EPHA8: variants seen among roughly 807,000 people sequenced by gnomAD.
EPHA8 encodes ephrin type-A receptor 8.
EPHA8 carries 58 observed loss-of-function variants against 103.6 expected under a neutral mutation model. That is an observed-to-expected ratio of 0.56 (90% CI 0.45 to 0.70). The LOEUF is 0.70. Ranked by LOEUF, EPHA8 falls within the 30% of genes least tolerant of loss-of-function variation. The probability of loss-of-function intolerance (pLI) is 0.00; values close to 1 mark genes in which losing one functional copy is unlikely to be tolerated. For missense variants in EPHA8, 1,304 were observed against 1,395.2 expected (o/e 0.93, Z 1.04); for synonymous variants, 559 against 572.5 (o/e 0.98, Z 0.34).
In EPHA8 at chr1:22,595,592, G is replaced by A. The variant is rs144318466; in HGVS notation, c.1697+269G>A. Among the ~76,000 whole-genome samples, 1,219 of 152,340 alleles carry A rather than the reference G, an allele frequency of 8.0e-3. 10 individuals carry two copies. The highest frequency in any genetic ancestry group is 0.031 in the Middle Eastern group (9 of 292). ...AGAGCTAGGACATGAGCCTAGGTCTGTCAAACTCAAGCCCATACTCTCAGT... is the reference window on the plus strand; with the variant it reads ...AGAGCTAGGACATGAGCCTAGGTCTATCAAACTCAAGCCCATACTCTCAGT... On this transcript the variant is annotated intron_variant, in intron 8 of 16. Transcript: ENST00000166244.
Position 22,597,953 on chromosome 1 carries a change from C to T in EPHA8, c.2116+92C>T, listed in dbSNP as rs548801294. 1,015 of 1,505,598 alleles carry T rather than the reference C, an allele frequency of 6.7e-4. 20 individuals carry two copies. The South Asian group carries it at 0.011, about 17-fold the overall frequency. 93.3% of individuals were successfully genotyped at this position (1,505,598 alleles called of 1,614,324 possible). On this transcript the variant is annotated intron_variant, in intron 11 of 16. Transcript: ENST00000166244. The surrounding 1 kb of genome is among the most constrained non-coding windows in gnomAD (Gnocchi z 4.6). Reference sequence around the variant, plus strand: ...ATCCCCTCATCCATCCTGCTCTGCCCCACCTGACCCTGTCCTCTTGGTTCA... The same window carrying T: ...ATCCCCTCATCCATCCTGCTCTGCCTCACCTGACCCTGTCCTCTTGGTTCA...
rs1398795434 is a variant in EPHA8 at position 22,567,447 on chromosome 1, T to C, written c.95-1842T>C. On this transcript the variant is annotated intron_variant, in intron 1 of 16. Coordinates refer to ENST00000166244, the MANE Select transcript of EPHA8 (RefSeq NM_020526.5). The surrounding 1 kb of genome is among the most constrained non-coding windows in gnomAD (Gnocchi z 4.2). ...GAAGCCTTCTCTCTGCCTCTGCCCC[T>C]GGCGTGGGGCCGGCTTGGGGAGGGG... Among the ~76,000 whole-genome samples, 1 of 152,124 alleles carries C rather than the reference T, an allele frequency of 6.6e-6. No individual in the cohort carries two copies. The highest frequency in any genetic ancestry group is 1.9e-4 in the East Asian group (1 of 5,170).
intron 2 of EPHA8, among the ~76,000 whole-genome samples, chr1:22,570,265 T>C (rs1640489509): frequency 6.6e-6 from 1 of 151,844 alleles, no homozygotes; most frequent in South Asian, 2.1e-4. Flanking sequence ...CACGCACGCA[T>C]GTACACACAC....
chr1:22,578,769 A>G (rs1640909864), intron 3 of EPHA8, among the ~76,000 whole-genome samples: 1 of 144,240 alleles, frequency 6.9e-6, no homozygotes, highest in African/African-American at 2.6e-5. Context: ...GTGTGAATGT[A>G]TGTGTACGTG....
Position 22,569,759 on chromosome 1 carries a change from A to G in EPHA8, c.159+406A>G, listed in dbSNP as rs549783586. On this transcript the variant is annotated intron_variant, in intron 2 of 16. Transcript: ENST00000166244. This position sits in a 1 kb window ranked among gnomAD's most constrained non-coding sequence, Gnocchi z 4.5. ...GAGTCTCTGCTTGTCTGTCTCCCCA[A>G]TGTGGCCAAGCTCCCGGTCCTGGCC... 1.3e-4 allele frequency among the ~76,000 whole-genome samples: 19 copies of G among 151,810 alleles called. No homozygotes were observed. Among genetic ancestry groups the G allele is most frequent in the Admixed American group, 5.2e-4 (8 of 15,248 alleles).
At chr1:22,601,585 G>T in intron 16 of EPHA8, 42 bp from the exon 17 acceptor site, 1 of 1,582,274 alleles carries the variant, frequency 6.3e-7, no homozygotes, top group African/African-American at 1.4e-5. Context: ...GCGGCTCCCA[G>T]CCTCCCAGGC....
At position 22,576,450 on chromosome 1, in the gene EPHA8, C is replaced by A; in HGVS notation, c.393C>A (p.Arg131=). Reference sequence around the variant, plus strand: ...ACCTCTACTACCTGGAGTCGGACCGCGACCTGGGGGCCAGCACACAAGAAA... The same window carrying A: ...ACCTCTACTACCTGGAGTCGGACCGAGACCTGGGGGCCAGCACACAAGAAA... ...TFNLYYLESD[R]DLGASTQESQ... Residue 131 remains arginine (R), a synonymous_variant, in exon 3 of 17, where the codon CGC becomes CGA. Coordinates refer to ENST00000166244, the MANE Select transcript of EPHA8 (RefSeq NM_020526.5). The surrounding 1 kb of genome is among the most constrained non-coding windows in gnomAD (Gnocchi z 4.8). The A allele has an allele frequency of 1.2e-6, 2 of 1,614,018 alleles. No homozygotes were observed. Among genetic ancestry groups the A allele is most frequent in the Non-Finnish European group, 1.7e-6 (2 of 1,180,040 alleles).
chr1:22,600,072 G>A (rs1368741532), intron 13 of EPHA8, among the ~76,000 whole-genome samples: 2 of 111,512 alleles, frequency 1.8e-5, no homozygotes, highest in African/African-American at 9.2e-5. Context: ...GGGGATGGAG[G>A]GAGGAAGGAA....
intron 3 of EPHA8, among the ~76,000 whole-genome samples, chr1:22,580,127 CTTTTTTTTTT>C (rs764600240): frequency 1.4e-3 from 134 of 97,422 alleles, no homozygotes; most frequent in Middle Eastern, 5.3e-3. Flanking sequence ...CTTTCTTTCT[CTTTTTTTTTT>C]TTTTTTTTTT....
chr1:22,601,525 AC>A (rs1641734308), intron 16 of EPHA8, 52 bp downstream of exon 16: 2 of 1,582,198 alleles, frequency 1.3e-6, no homozygotes, highest in Non-Finnish European at 1.7e-6. Flanking sequence ...AGGGGGGGGG[AC>A]CCCTGCCGGG....
intron 3 of EPHA8, among the ~76,000 whole-genome samples, chr1:22,580,370 C>T (rs1349953624): frequency 6.6e-6 from 1 of 151,992 alleles, no homozygotes; most frequent in Non-Finnish European, 1.5e-5. Flanking sequence ...AACTCCTGAC[C>T]TCAAGTGATC....
rs925019483 is a variant in EPHA8, at chr1:22,576,233, A to C, written c.176A>C (p.Glu59Ala). The C allele has an allele frequency of 3.1e-6, 5 of 1,610,054 alleles. No individual in the cohort carries two copies. The highest frequency in any genetic ancestry group is 4.2e-6 in the Non-Finnish European group (5 of 1,177,524). ...TGCCCACAGTGGGACTCCATCAACG[A>C]GGTGGACGAGTCCTTCCAGCCCATC... ...YPAHGWDSIN[E>A]VDESFQPIHT... is the part of the protein sequence containing the mutation. The change falls in exon 3 of 17, where the codon GAG (glutamate) becomes GCG (alanine). Residue 59 changes from glutamate to alanine, a missense_variant. Coordinates refer to ENST00000166244, the MANE Select transcript of EPHA8 (RefSeq NM_020526.5). The surrounding 1 kb of genome is among the most constrained non-coding windows in gnomAD (Gnocchi z 4.8).
Position 22,601,677 on chromosome 1 carries a change from T to G in EPHA8, c.2954T>G (p.Leu985Arg). The G allele has an allele frequency of 6.3e-7, 1 of 1,593,190 alleles. No homozygotes were observed. Residue 985 changes from leucine to arginine, a missense_variant, in exon 17 of 17, where the codon CTG becomes CGG. Leu to Arg is a moderately radical substitution (Grantham distance 102). Transcript: ENST00000166244. ...CTCATGGGCCACCAGAAGAAGATCC[T>G]GGGCAGCATTCAGACCATGCGGGCC... Reference protein sequence around the residue: ...ITLMGHQKKILGSIQTMRAQL... With the variant: ...ITLMGHQKKIRGSIQTMRAQL...
intron 3 of EPHA8, among the ~76,000 whole-genome samples, chr1:22,584,804 ACTC>A (rs1478374421): frequency 1.3e-5 from 2 of 149,662 alleles, no homozygotes; most frequent in African/African-American, 5.0e-5. Context: ...CAATTTGAAA[ACTC>A]CTGCCTGGAG....
At chr1:22,592,085 G>A (rs764866705) in intron 5 of EPHA8, among the ~76,000 whole-genome samples, 28 of 152,236 alleles carry the variant, frequency 1.8e-4, no homozygotes, top group African/African-American at 6.3e-4. Flanking sequence ...AGGATCAAGC[G>A]ACAGCTCTAA....
In EPHA8 at chr1:22,588,893, C is replaced by G; in HGVS notation, c.1002C>G (p.Asn334Lys). 1 of 1,596,860 alleles carries G rather than the reference C, an allele frequency of 6.3e-7. No individual in the cohort carries two copies. The highest frequency in any genetic ancestry group is 8.5e-7 in the Non-Finnish European group (1 of 1,173,520). The change falls in exon 5 of 17, where the codon AAC becomes AAG. Residue 334 changes from asparagine (N) to lysine (K), a missense_variant. Asn to Lys is a moderately conservative substitution (Grantham distance 94). Coordinates refer to ENST00000166244, the MANE Select transcript of EPHA8 (RefSeq NM_020526.5). ...CAGGGCCACCCTCGGCACCAGTGAA[C>G]CTGATCTCCAGTGTGAATGGGACAT... ...ACTRPPSAPV[N>K]LISSVNGTSV...
At chr1:22,585,516 T>C (rs980331631) in intron 3 of EPHA8, among the ~76,000 whole-genome samples, 2 of 152,164 alleles carry the variant, frequency 1.3e-5, no homozygotes, top group African/African-American at 4.8e-5. Flanking sequence ...GCCCCCTTGT[T>C]CTCTCCCTCC....
chr1:22,599,649 A>G (rs868489977), intron 13 of EPHA8, among the ~76,000 whole-genome samples: 20 of 43,286 alleles, frequency 4.6e-4, no homozygotes, highest in African/African-American at 1.4e-3. Flanking sequence ...GAGGGAGGGA[A>G]GGAAGGAAAG....
intron 3 of EPHA8, among the ~76,000 whole-genome samples, chr1:22,582,382 C>G (rs1641070056): frequency 6.6e-6 from 1 of 152,212 alleles, no homozygotes; most frequent in Non-Finnish European, 1.5e-5. Context: ...GCTGCCCTCC[C>G]TGCCTTGGGT....
Sources: allele counts gnomAD v4.1 joint callset (sites outside exome capture counted in the v4.1 genomes callset), GRCh38; gene constraint gnomAD v4.1.1; non-coding constraint Gnocchi (gnomAD v3.1); transcripts MANE v1.5; gene names NCBI Gene and HGNC (gene_info 2026-07-23, HGNC 2026-07-21).